CHLSN: variants seen among roughly 807,000 people sequenced by gnomAD.
The protein encoded by CHLSN is cholesin.
chr7:980,320 T>C, the CHLSN span, among the ~76,000 whole-genome samples: 1 of 151,794 alleles, frequency 6.6e-6, no homozygotes, highest in Admixed American at 6.6e-5. Context: ...GGCTCAGGCC[T>C]GAGTATCTGT....
At chr7:979,478 G>C in the CHLSN span, among the ~76,000 whole-genome samples, 1 of 152,174 alleles carries the variant, frequency 6.6e-6, no homozygotes, top group Non-Finnish European at 1.5e-5. Flanking sequence ...TTGGCCGGGT[G>C]TGGTGGCTCA....
the CHLSN span, among the ~76,000 whole-genome samples, chr7:1,066,791 G>A: frequency 1.3e-5 from 2 of 152,240 alleles, no homozygotes; most frequent in African/African-American, 4.8e-5. Flanking sequence ...AGGGTTCGGG[G>A]CACAATCTTC....
At chr7:983,161 CGGG>C in the CHLSN span, 1 of 1,409,628 alleles carries the variant, frequency 7.1e-7, no homozygotes. Flanking sequence ...TATAAGGGTG[CGGG>C]GGGGACGGGG....
chr7:1,080,822 A>G, the CHLSN span: 1 of 152,262 alleles, frequency 6.6e-6, no homozygotes, highest in Admixed American at 6.5e-5. Context: ...TTATATACAC[A>G]GTGCCACGCA....
At chr7:1,015,935 C>T in the CHLSN span, among the ~76,000 whole-genome samples, 1 of 151,892 alleles carries the variant, frequency 6.6e-6, no homozygotes, top group Non-Finnish European at 1.5e-5. Context: ...CGGAAATACT[C>T]CTGACGCCCC....
the CHLSN span, among the ~76,000 whole-genome samples, chr7:1,070,898 ACACATGCACG>A: frequency 2.7e-5 from 4 of 149,986 alleles, no homozygotes; most frequent in Non-Finnish European, 5.9e-5. Flanking sequence ...ACACGTGCAC[ACACATGCACG>A]CACACACACA....
chr7:994,260 C>T, the CHLSN span, among the ~76,000 whole-genome samples: 4 of 152,266 alleles, frequency 2.6e-5, no homozygotes, highest in East Asian at 1.9e-4. Context: ...CGTGTTCAAG[C>T]GATTCTCCTG....
At chr7:1,025,820 G>C in the CHLSN span, 1 of 152,326 alleles carries the variant, frequency 6.6e-6, no homozygotes, top group Admixed American at 6.5e-5. Flanking sequence ...CCTCCCCTGG[G>C]CCTCCAGAGG....
the CHLSN span, among the ~76,000 whole-genome samples, chr7:1,136,386 A>ACATATAT: frequency 5.4e-5 from 2 of 36,770 alleles, no homozygotes; most frequent in Non-Finnish European, 8.7e-5. Flanking sequence ...ATAAATATAT[A>ACATATAT]AACATATATA....
chr7:1,130,797 G>A, the CHLSN span, among the ~76,000 whole-genome samples: 1 of 152,342 alleles, frequency 6.6e-6, no homozygotes, highest in Admixed American at 6.5e-5. Context: ...CATGCACGCT[G>A]CTTCACCACG....
At chr7:1,014,531 G>A in the CHLSN span, among the ~76,000 whole-genome samples, 1 of 152,254 alleles carries the variant, frequency 6.6e-6, no homozygotes, top group South Asian at 2.1e-4. Flanking sequence ...GATGTCCAAG[G>A]TGGGTAACGT....
chr7:1,030,017 C>T, the CHLSN span, among the ~76,000 whole-genome samples: 4 of 152,272 alleles, frequency 2.6e-5, no homozygotes, highest in Non-Finnish European at 4.4e-5. Flanking sequence ...CACTGGTGTC[C>T]GCACCCCGCT....
the CHLSN span, chr7:1,092,471 G>C: frequency 6.2e-7 from 1 of 1,607,656 alleles, no homozygotes; most frequent in Non-Finnish European, 8.5e-7. Context: ...CACCGGCACC[G>C]TGGGCTGCGG....
At chr7:1,112,346 G>A in the CHLSN span, among the ~76,000 whole-genome samples, 1 of 152,210 alleles carries the variant, frequency 6.6e-6, no homozygotes, top group African/African-American at 2.4e-5. Flanking sequence ...AGGCCGGCCG[G>A]GAGCCCAGTG....
At chr7:996,605 A>G in the CHLSN span, among the ~76,000 whole-genome samples, 93,336 of 152,132 alleles carry the variant, frequency 0.61, 30,499 homozygotes, top group African/African-American at 0.85. Flanking sequence ...ACTTGGCCTC[A>G]CAGTGGGGCA....
chr7:1,005,206 G>A, the CHLSN span, among the ~76,000 whole-genome samples: 42 of 152,248 alleles, frequency 2.8e-4, no homozygotes, highest in African/African-American at 9.4e-4. Flanking sequence ...CAGGAGAATC[G>A]CTTGAACCTG....
chr7:1,095,225 C>G, the CHLSN span, among the ~76,000 whole-genome samples: 1 of 152,122 alleles, frequency 6.6e-6, no homozygotes, highest in Non-Finnish European at 1.5e-5. Flanking sequence ...CCCTCCTCCC[C>G]AGGGATGTAC....
At chr7:1,091,634 G>A in the CHLSN span, 1 of 970,430 alleles carries the variant, frequency 1.0e-6, no homozygotes. Flanking sequence ...CTCACTTCAA[G>A]GAGAATCACG....
At chr7:987,902 TCTGTGTGTCCTGGGGATCCC>T in the CHLSN span, among the ~76,000 whole-genome samples, 2 of 135,276 alleles carry the variant, frequency 1.5e-5, no homozygotes, top group South Asian at 2.3e-4. Context: ...AGGGGTCCCC[TCTGTGTGTCCTGGGGATCCC>T]CTGTGTGTCC....
Sources: gnomAD v4.1 joint callset for allele counts (sites outside exome capture counted in the v4.1 genomes callset) on GRCh38, gnomAD v4.1.1 for gene constraint, MANE v1.5 for transcripts, NCBI Gene and HGNC (gene_info 2026-07-23, HGNC 2026-07-21) for gene names.